Variants in UBIAD1 observed in about 807,000 individuals in gnomAD.
UBIAD1 encodes ubiA prenyltransferase domain-containing protein 1.
A neutral mutation model predicts 20.1 loss-of-function variants in UBIAD1; 12 were observed. That is an observed-to-expected ratio of 0.60 (90% CI 0.38 to 0.97). The LOEUF is 0.97. Among genes scored for constraint, UBIAD1 ranks in the 50% least tolerant of loss-of-function variants. UBIAD1 has a pLI of 0.00. For synonymous variants in UBIAD1, 207 were observed against 189.2 expected (o/e 1.09, Z -0.77); for missense variants, 333 against 419.5 (o/e 0.79, Z 1.80).
intron 1 of UBIAD1, among the ~76,000 whole-genome samples, chr1:11,284,934 G>A (rs557443541): frequency 6.6e-6 from 1 of 152,308 alleles, no homozygotes; most frequent in South Asian, 2.1e-4. Context: ...GGGATGGAGG[G>A]TGGCCCCGGG....
At position 11,285,510 on chromosome 1, in the gene UBIAD1, T is replaced by C. The variant is rs1344640407; in HGVS notation, c.530-134T>C. 1.5e-6 allele frequency: 2 copies of C among 1,361,770 alleles called. No homozygotes were observed. Among genetic ancestry groups the C allele is most frequent in the African/African-American group, 2.9e-5 (2 of 69,734 alleles). The allele number at this position is 1,361,770 out of a possible 1,614,324, so 84.4% of individuals were successfully genotyped here. A position where few individuals can be genotyped will look rare whatever the true frequency, so the allele number is the denominator to read the frequency against. On this transcript the variant is annotated intron_variant, in intron 1 of 1. Coordinates refer to ENST00000376810, the MANE Select transcript of UBIAD1 (RefSeq NM_013319.3). This position sits in a 1 kb window ranked among gnomAD's most constrained non-coding sequence, Gnocchi z 4.4. ...GAATTTGCTCTGTGGGGTTAAGGGA[T>C]GAAATGAGTGCCCACCTGCACAGTC...
At chr1:11,283,162 G>A (rs1483143264) in intron 1 of UBIAD1, among the ~76,000 whole-genome samples, 1 of 152,118 alleles carries the variant, frequency 6.6e-6, no homozygotes, top group Non-Finnish European at 1.5e-5. Flanking sequence ...ATACCTGGCC[G>A]CTTACATTGC....
intron 1 of UBIAD1, among the ~76,000 whole-genome samples, chr1:11,281,659 G>A (rs755267078): frequency 2.0e-5 from 3 of 152,016 alleles, no homozygotes; most frequent in Non-Finnish European, 2.9e-5. Context: ...CCCACACCCC[G>A]TCATCATCCA....
Position 11,285,946 on chromosome 1 carries a change from C to G in UBIAD1, c.832C>G (p.His278Asp). The change falls in exon 2 of 2, where the codon CAC becomes GAC. Residue 278 changes from histidine to aspartate, a missense_variant. Coordinates refer to ENST00000376810, the MANE Select transcript of UBIAD1 (RefSeq NM_013319.3). The surrounding 1 kb of genome is among the most constrained non-coding windows in gnomAD (Gnocchi z 4.4). ...PYLVFSILAT[H>D]CTISLALPLL... ...CCTGGTCTTCAGCATCCTGGCCACA[C>G]ACTGCACCATCAGCCTGGCACTCCC... 6.2e-7 allele frequency: 1 copy of G among 1,614,232 alleles called. No individual in the cohort carries two copies. Among genetic ancestry groups the G allele is most frequent in the African/African-American group, 1.3e-5 (1 of 75,050 alleles).
At chr1:11,294,620 TG>T (rs996935196) in intron 1 of UBIAD1, among the ~76,000 whole-genome samples, 1 of 152,182 alleles carries the variant, frequency 6.6e-6, no homozygotes, top group African/African-American at 2.4e-5. Flanking sequence ...CAGGGTGGGA[TG>T]GCTGCTTCCT....
chr1:11,288,077 G>A lies in UBIAD1; in HGVS notation c.*1946G>A, dbSNP rs934103144. ...ATGACCTTCTCCCCAGTCCTTCCCA[G>A]CACCATTTTTGTTTCACACCAGGCT... On this transcript the variant is annotated 3_prime_UTR_variant, in exon 2 of 2. Coordinates refer to ENST00000376810, the MANE Select transcript of UBIAD1 (RefSeq NM_013319.3). 1.3e-5 allele frequency: 2 copies of A among 152,252 alleles called. No homozygotes were observed. The highest frequency in any genetic ancestry group is 4.8e-5 in the African/African-American group (2 of 41,460). 9.4% of individuals were successfully genotyped at this position (152,252 alleles called of 1,614,324 possible).
intron 1 of UBIAD1, among the ~76,000 whole-genome samples, chr1:11,276,993 T>C (rs188112399): frequency 1.5e-3 from 231 of 152,140 alleles, no homozygotes; most frequent in Non-Finnish European, 2.6e-3. Context: ...TCCCAACACT[T>C]TGGGAGGCTG....
At chr1:11,298,605 T>A (rs574900991), downstream of UBIAD1, among the ~76,000 whole-genome samples, 4 of 151,084 alleles carry the variant, frequency 2.6e-5, no homozygotes, top group South Asian at 4.2e-4. This position sits in a 1 kb window ranked among gnomAD's most constrained non-coding sequence, Gnocchi z 4.0. Context: ...AATAAATAAA[T>A]AAAAGTTTCC....
chr1:11,291,286 C>T (rs1427007273), downstream of UBIAD1, among the ~76,000 whole-genome samples: 1 of 152,100 alleles, frequency 6.6e-6, no homozygotes, highest in East Asian at 1.9e-4. Context: ...ACTTGGATTT[C>T]AGCAAGGCAT....
rs574774961 is a variant in UBIAD1, at chr1:11,285,548, A to G, written c.530-96A>G. ...CACCTGCACAGTCTAAGGATTTACCATTTTCAGCCGGAAGTGGCCTGCCTC... is the reference window on the plus strand; with the variant it reads ...CACCTGCACAGTCTAAGGATTTACCGTTTTCAGCCGGAAGTGGCCTGCCTC... On this transcript the variant is annotated intron_variant, in intron 1 of 1. Coordinates refer to ENST00000376810, the MANE Select transcript of UBIAD1 (RefSeq NM_013319.3). The surrounding 1 kb of genome is among the most constrained non-coding windows in gnomAD (Gnocchi z 4.4). 3.1e-6 allele frequency: 5 copies of G among 1,588,280 alleles called. No individual in the cohort carries two copies. The African/African-American group carries it at 5.4e-5, about 17-fold the overall frequency.
chr1:11,288,874 TG>T (rs1638315787), downstream of UBIAD1, among the ~76,000 whole-genome samples: 1 of 151,738 alleles, frequency 6.6e-6, no homozygotes, highest in South Asian at 2.1e-4. Context: ...ATCACGCCAC[TG>T]CACATCCGCC....
chr1:11,278,389 C>T (rs1652128849), intron 1 of UBIAD1, among the ~76,000 whole-genome samples: 1 of 152,160 alleles, frequency 6.6e-6, no homozygotes, highest in South Asian at 2.1e-4. Context: ...GTTTAAATGA[C>T]AGTACCTTAA....
rs1240845032 is a variant in UBIAD1 at position 11,288,299 on chromosome 1, A to T, written c.*2168A>T. 6.6e-6 allele frequency: 1 copy of T among 152,162 alleles called. No individual in the cohort carries two copies. The highest frequency in any genetic ancestry group is 1.9e-4 in the East Asian group (1 of 5,190). The allele number at this position is 152,162 out of a possible 1,614,324, so 9.4% of individuals were successfully genotyped here. On this transcript the variant is annotated 3_prime_UTR_variant, in exon 2 of 2. Transcript: ENST00000376810. ...GGTGCGGATTTTAATGCATATTTTT[A>T]TATATAAATGTTCCCAAAGGCCAAA...
At chr1:11,293,877 T>C (rs1198233114) in intron 1 of UBIAD1, among the ~76,000 whole-genome samples, 1 of 152,192 alleles carries the variant, frequency 6.6e-6, no homozygotes, top group African/African-American at 2.4e-5. Context: ...GATTTCACCA[T>C]GTTGGCCAGG....
intron 1 of UBIAD1, among the ~76,000 whole-genome samples, chr1:11,281,880 T>G (rs1273126695): frequency 6.6e-6 from 1 of 152,248 alleles, no homozygotes; most frequent in African/African-American, 2.4e-5. Flanking sequence ...TCGTCTGGCT[T>G]CTTTTGCTCA....
downstream of UBIAD1, among the ~76,000 whole-genome samples, chr1:11,291,312 GA>G (rs1638361874): frequency 6.6e-6 from 1 of 152,060 alleles, no homozygotes; most frequent in African/African-American, 2.4e-5. Context: ...AACATGCTAT[GA>G]AATATGGAAT....
At chr1:11,295,221 G>T, downstream of UBIAD1, 1 of 370,774 alleles carries the variant, frequency 2.7e-6, no homozygotes, top group Non-Finnish European at 5.0e-6. Context: ...AGGTGACAAT[G>T]AGCGGCGATC....
At chr1:11,294,454 A>C (rs919781833) in intron 1 of UBIAD1, among the ~76,000 whole-genome samples, 1 of 152,134 alleles carries the variant, frequency 6.6e-6, no homozygotes, top group Non-Finnish European at 1.5e-5. Context: ...CCTTCACTAC[A>C]AACTGCCCCT....
intron 1 of UBIAD1, chr1:11,278,686 C>T (rs1342094072): frequency 4.5e-6 from 6 of 1,345,218 alleles, no homozygotes; most frequent in Non-Finnish European, 5.1e-6. Context: ...GACGTCTTAG[C>T]TCCTGAAGTA....
Sources: allele counts gnomAD v4.1 joint callset (sites outside exome capture counted in the v4.1 genomes callset), GRCh38; gene constraint gnomAD v4.1.1; non-coding constraint Gnocchi (gnomAD v3.1); transcripts MANE v1.5; gene names NCBI Gene and HGNC (gene_info 2026-07-23, HGNC 2026-07-21).